WWOX: variants seen among roughly 807,000 people sequenced by gnomAD.
The protein encoded by WWOX is WW domain-containing oxidoreductase.
Under a neutral mutation model 46.2 loss-of-function variants are expected in WWOX, and 69 were observed. The ratio of observed to expected loss-of-function variants is 1.49; its 90% CI spans 1.23 to 1.82. The LOEUF (loss-of-function observed/expected upper bound fraction) is 1.82. Ranked by LOEUF, WWOX falls within the 40% of genes most tolerant of loss-of-function variation. The probability of loss-of-function intolerance (pLI) is 0.00; values close to 1 mark genes in which losing one functional copy is unlikely to be tolerated. For missense variants in WWOX, 919 were observed against 542.6 expected, an observed-to-expected ratio of 1.69 and a Z score of -6.89; for synonymous variants, 359 against 202.6, an observed-to-expected ratio of 1.77 and a Z score of -6.56.
intron 8 of WWOX, among the ~76,000 whole-genome samples, chr16:78,943,214 C>T (rs1480349756): frequency 6.6e-6 from 1 of 152,134 alleles, no homozygotes; most frequent in South Asian, 2.1e-4. Context: ...TTACAAATAA[C>T]CTCTTCCTTT....
chr16:78,269,978 T>A (rs374536023), intron 5 of WWOX, among the ~76,000 whole-genome samples: 40 of 150,772 alleles, frequency 2.7e-4, no homozygotes, highest in African/African-American at 9.7e-4. Flanking sequence ...TAATTCACAT[T>A]TACAAATTGG....
intron 8 of WWOX, chr16:78,897,331 A>C (rs916760361): frequency 2.0e-5 from 3 of 151,690 alleles, no homozygotes; most frequent in African/African-American, 7.3e-5. Context: ...CTTTCCAATA[A>C]ATCCTTTTAT....
intron 8 of WWOX, among the ~76,000 whole-genome samples, chr16:78,864,774 TTTTTTTTTGA>T (rs2043966855): frequency 8.9e-6 from 1 of 112,198 alleles, no homozygotes; most frequent in African/African-American, 3.5e-5. Context: ...TTTTTTTTTT[TTTTTTTTTGA>T]GACAGTCTCA....
At chr16:78,664,031 A>G (rs555942620) in intron 8 of WWOX, among the ~76,000 whole-genome samples, 1 of 152,298 alleles carries the variant, frequency 6.6e-6, no homozygotes, top group Admixed American at 6.5e-5. Context: ...CAAACAGGTG[A>G]CATAATTTGA....
chr16:78,330,708 C>T (rs574746582), intron 5 of WWOX, among the ~76,000 whole-genome samples: 1 of 152,300 alleles, frequency 6.6e-6, no homozygotes, highest in Non-Finnish European at 1.5e-5. Flanking sequence ...AGTAACATTT[C>T]TATGCAACTA....
At chr16:78,728,058 T>C (rs201849850) in intron 8 of WWOX, among the ~76,000 whole-genome samples, 472 of 27,732 alleles carry the variant, frequency 0.017, 6 homozygotes, top group South Asian at 0.023. Context: ...CTCCTTCCTT[T>C]TTTTTTTTTT....
At chr16:78,964,517 A>C (rs1252498576) in intron 8 of WWOX, among the ~76,000 whole-genome samples, 1 of 152,230 alleles carries the variant, frequency 6.6e-6, no homozygotes, top group Non-Finnish European at 1.5e-5. Flanking sequence ...AACATTCAAG[A>C]GGTGACTTGG....
At chr16:78,567,333 C>T (rs1295400134) in intron 8 of WWOX, among the ~76,000 whole-genome samples, 1 of 151,186 alleles carries the variant, frequency 6.6e-6, no homozygotes, top group Non-Finnish European at 1.5e-5. Context: ...ATCACGAGGT[C>T]AGGAGATCGA....
intron 8 of WWOX, among the ~76,000 whole-genome samples, chr16:78,573,824 A>G (rs753719937): frequency 4.6e-5 from 7 of 152,196 alleles, no homozygotes; most frequent in African/African-American, 1.7e-4. Context: ...ATCATTCACT[A>G]TTCTTGCTAC....
intron 5 of WWOX, among the ~76,000 whole-genome samples, chr16:78,358,274 C>A (rs12925935): frequency 6.6e-6 from 1 of 152,108 alleles, no homozygotes; most frequent in Non-Finnish European, 1.5e-5. Context: ...GTTATACACT[C>A]ACATACAAAA....
intron 5 of WWOX, among the ~76,000 whole-genome samples, chr16:78,383,910 A>C (rs2082006754): frequency 6.6e-6 from 1 of 151,964 alleles, no homozygotes; most frequent in African/African-American, 2.4e-5. Context: ...TTTTTCCCTT[A>C]GAGTTATATG....
At chr16:78,882,778 C>T (rs144852950) in intron 8 of WWOX, among the ~76,000 whole-genome samples, 6 of 151,690 alleles carry the variant, frequency 4.0e-5, no homozygotes, top group Middle Eastern at 3.2e-3. Context: ...CATGAGCCAC[C>T]GCACCCGGTT....
intron 8 of WWOX, among the ~76,000 whole-genome samples, chr16:78,569,145 G>C (rs1597282102): frequency 6.6e-6 from 1 of 152,250 alleles, no homozygotes; most frequent in South Asian, 2.1e-4. Context: ...GACCTGTTGG[G>C]GTGGGAGGGA....
chr16:79,108,127 A>T (rs1253341187), intron 8 of WWOX, among the ~76,000 whole-genome samples: 1 of 152,224 alleles, frequency 6.6e-6, no homozygotes, highest in African/African-American at 2.4e-5. Flanking sequence ...ATTGGGGGGA[A>T]ACCTAAATTC....
At chr16:78,319,697 A>G (rs922782377) in intron 5 of WWOX, among the ~76,000 whole-genome samples, 1 of 152,222 alleles carries the variant, frequency 6.6e-6, no homozygotes, top group Non-Finnish European at 1.5e-5. Context: ...CATTTTTATC[A>G]CATGCGTAGG....
intron 8 of WWOX, among the ~76,000 whole-genome samples, chr16:78,983,775 G>A (rs1399835763): frequency 6.6e-6 from 1 of 151,056 alleles, no homozygotes; most frequent in African/African-American, 2.4e-5. Context: ...AAACCCCTGT[G>A]ACTTTGAGAC....
chr16:78,682,197 C>G lies in WWOX; in HGVS notation c.1056+249445C>G, dbSNP rs377521192. On this transcript the variant is annotated intron_variant, in intron 8 of 8. Transcript: ENST00000566780. ...CCTACAAATCAGGATCTGCTACAAT[C>G]GCTTGATATTTGAAAATTGGGCCTA... Among the ~76,000 whole-genome samples the G allele has an allele frequency of 2.0e-5, 3 of 152,218 alleles. No individual in the cohort carries two copies. The East Asian group carries it at 5.8e-4, about 29-fold the overall frequency.
intron 8 of WWOX, among the ~76,000 whole-genome samples, chr16:78,921,064 G>T (rs1255343851): frequency 6.6e-6 from 1 of 152,020 alleles, no homozygotes; most frequent in Non-Finnish European, 1.5e-5. Flanking sequence ...ACCAGATTTT[G>T]TGCTTATCTC....
intron 8 of WWOX, among the ~76,000 whole-genome samples, chr16:78,853,434 T>C (rs909060824): frequency 6.6e-6 from 1 of 152,044 alleles, no homozygotes. Flanking sequence ...GCTGGTATTG[T>C]TTTCATTATT....
Sources: allele counts gnomAD v4.1 joint callset (sites outside exome capture counted in the v4.1 genomes callset), GRCh38; gene constraint gnomAD v4.1.1; transcripts MANE v1.5; gene names NCBI Gene and HGNC (gene_info 2026-07-23, HGNC 2026-07-21).